ANKS1A: variants seen among roughly 807,000 people sequenced by gnomAD.
ANKS1A encodes the protein ankyrin repeat and SAM domain-containing protein 1A.
Under a neutral mutation model 120.3 loss-of-function variants are expected in ANKS1A, and 55 were observed. That is an observed-to-expected ratio of 0.46 (90% CI 0.37 to 0.57). The LOEUF is 0.57. ANKS1A is among the 20% of genes least tolerant of loss of function. The pLI is 0.00. For missense variants in ANKS1A, 1,123 were observed against 1,480.3 expected (o/e 0.76, Z 3.96); for synonymous variants, 590 against 604.7 (o/e 0.98, Z 0.36).
intron 18 of ANKS1A, 39 bp from the exon 19 acceptor site, chr6:35,083,116 G>T (rs374715116): frequency 1.2e-6 from 2 of 1,609,960 alleles, no homozygotes; most frequent in Non-Finnish European, 1.7e-6. Flanking sequence ...GCATGGAAAC[G>T]CAGGATTTCC....
At chr6:34,965,543 G>A (rs1357458870) in intron 1 of ANKS1A, among the ~76,000 whole-genome samples, 2 of 152,038 alleles carry the variant, frequency 1.3e-5, no homozygotes, top group Non-Finnish European at 2.9e-5. Flanking sequence ...GTAGAGACGA[G>A]TTTCCCTATG....
intron 1 of ANKS1A, among the ~76,000 whole-genome samples, chr6:34,915,674 G>A: frequency 6.6e-6 from 1 of 151,938 alleles, no homozygotes; most frequent in East Asian, 1.9e-4. Flanking sequence ...GTAACAGTTT[G>A]GGTTTTTATA....
chr6:35,086,403 TC>T lies in ANKS1A; in HGVS notation c.3303+471del, dbSNP rs1777983974. 3 of 1,279,496 alleles carry T rather than the reference TC, an allele frequency of 2.3e-6. No homozygotes were observed. Among genetic ancestry groups the T allele is most frequent in the African/African-American group, 3.0e-5 (2 of 65,682 alleles). The allele number at this position is 1,279,496 out of a possible 1,614,324, so 79.3% of individuals were successfully genotyped here. A position where few individuals can be genotyped will look rare whatever the true frequency, so the allele number is the denominator to read the frequency against. Reference sequence around the variant, plus strand: ...CCTCCTGCTGTCTTGTGTGTCAGTCTCCCCGAAGTGACCGTGAGCGCTCTTA... The same window carrying T: ...CCTCCTGCTGTCTTGTGTGTCAGTCTCCCGAAGTGACCGTGAGCGCTCTTA... On this transcript the variant is annotated intron_variant, in intron 22 of 23. Transcript: ENST00000360359. The surrounding 1 kb of genome is among the most constrained non-coding windows in gnomAD (Gnocchi z 5.1).
rs1220209356 is a variant in ANKS1A, at chr6:35,089,007, G to C, written c.*398G>C. ...ACAGGGGAGCTGAGGTTGGTTCAGAGGCCAGCCTGCATAGCCTCTGTCCTC... is the reference window on the plus strand; with the variant it reads ...ACAGGGGAGCTGAGGTTGGTTCAGACGCCAGCCTGCATAGCCTCTGTCCTC... On this transcript the variant is annotated 3_prime_UTR_variant, in exon 24 of 24. Coordinates refer to ENST00000360359, the MANE Select transcript of ANKS1A (RefSeq NM_015245.3). 3.7e-5 allele frequency: 43 copies of C among 1,157,480 alleles called. No homozygotes were observed. The highest frequency in any genetic ancestry group is 4.5e-5 in the Non-Finnish European group (42 of 930,296). The allele number at this position is 1,157,480 out of a possible 1,614,324, so 71.7% of individuals were successfully genotyped here.
In ANKS1A at chr6:35,089,996, A is replaced by G; in HGVS notation, c.*1387A>G. The G allele has an allele frequency of 8.4e-7, 1 of 1,195,152 alleles. No individual in the cohort carries two copies. 74.0% of individuals were successfully genotyped at this position (1,195,152 alleles called of 1,614,324 possible). A position where few individuals can be genotyped will look rare whatever the true frequency, so the allele number is the denominator to read the frequency against. The stretch of plus-strand genomic sequence containing the variant: ...TCTTTGTTGGTATGTATGTGCAGGG[A>G]GTACTGTTAGGCACATTCTTAACCC... On this transcript the variant is annotated 3_prime_UTR_variant, in exon 24 of 24. Transcript: ENST00000360359.
At chr6:34,991,765 TAC>T (rs200486386) in intron 9 of ANKS1A, among the ~76,000 whole-genome samples, 163 of 33,814 alleles carry the variant, frequency 4.8e-3, no homozygotes, top group Non-Finnish European at 8.2e-3. Flanking sequence ...CATATATATA[TAC>T]ACATATATAT....
intron 10 of ANKS1A, chr6:35,005,786 C>T (rs542947814): frequency 4.5e-6 from 2 of 447,686 alleles, no homozygotes; most frequent in Admixed American, 2.4e-5. Context: ...GGCATGGTGG[C>T]TCATGCCTGT....
Position 35,017,536 on chromosome 6 carries a change from C to T in ANKS1A, c.1487C>T (p.Pro496Leu). Reference protein sequence around the residue: ...DSAEGQDGQVPEQFSGLLHGS... With the variant: ...DSAEGQDGQVLEQFSGLLHGS... ...GCGGAGGGGCAGGACGGGCAGGTCC[C>T]AGAGCAGTTCTCAGGCCTCCTCCAC... Residue 496 changes from proline (P) to leucine (L), a missense_variant, in exon 11 of 24, where the codon CCA becomes CTA. Coordinates refer to ENST00000360359, the MANE Select transcript of ANKS1A (RefSeq NM_015245.3). 1.2e-6 allele frequency: 2 copies of T among 1,614,050 alleles called. No homozygotes were observed. The highest frequency in any genetic ancestry group is 1.7e-6 in the Non-Finnish European group (2 of 1,179,990).
chr6:34,916,249 TC>T (rs1768158009), intron 1 of ANKS1A, among the ~76,000 whole-genome samples: 1 of 152,242 alleles, frequency 6.6e-6, no homozygotes, highest in Admixed American at 6.5e-5. Context: ...TGCCTCGGCC[TC>T]CTAAAGTGCT....
rs761037622 is a variant in ANKS1A at position 35,018,026 on chromosome 6, G to A, written c.1977G>A (p.Glu659=). Residue 659 remains glutamate (E), a synonymous_variant, in exon 11 of 24, where the codon GAG becomes GAA. Coordinates refer to ENST00000360359, the MANE Select transcript of ANKS1A (RefSeq NM_015245.3). ...SNCSIGKKRL[E]KSPSFASEWD... ...GCAGCATTGGGAAGAAAAGGCTAGA[G>A]AAGTCACCCTCCTTCGCCTCGGAGT... 49 of 1,613,948 alleles carry A rather than the reference G, an allele frequency of 3.0e-5. No individual in the cohort carries two copies. Among genetic ancestry groups the A allele is most frequent in the Non-Finnish European group, 3.7e-5 (44 of 1,180,028 alleles).
At chr6:34,955,414 G>A (rs991718223) in intron 1 of ANKS1A, among the ~76,000 whole-genome samples, 11 of 152,288 alleles carry the variant, frequency 7.2e-5, no homozygotes, top group Admixed American at 3.3e-4. Flanking sequence ...TGGGATTACA[G>A]GCGTGAGCCA....
intron 1 of ANKS1A, among the ~76,000 whole-genome samples, chr6:34,898,604 T>C (rs889819633): frequency 9.2e-5 from 14 of 152,194 alleles, no homozygotes; most frequent in Non-Finnish European, 2.1e-4. Flanking sequence ...TCTGCCTTTA[T>C]GGTAGAAAAA....
At chr6:34,943,731 A>G (rs1769643910) in intron 1 of ANKS1A, among the ~76,000 whole-genome samples, 1 of 152,156 alleles carries the variant, frequency 6.6e-6, no homozygotes. Flanking sequence ...TGCATTTAAG[A>G]TTTCTCGAAG....
intron 1 of ANKS1A, among the ~76,000 whole-genome samples, chr6:34,932,849 T>C (rs1769057942): frequency 6.6e-6 from 1 of 152,260 alleles, no homozygotes; most frequent in African/African-American, 2.4e-5. Flanking sequence ...TATGCTTTCA[T>C]TTCTCTTGGA....
intron 11 of ANKS1A, among the ~76,000 whole-genome samples, chr6:35,042,569 C>G (rs971433566): frequency 2.0e-5 from 3 of 152,182 alleles, no homozygotes; most frequent in African/African-American, 7.2e-5. Context: ...GAGCCATCCT[C>G]GGACCTTATG....
intron 9 of ANKS1A, 96 bp from the exon 10 acceptor site, chr6:34,994,206 G>A: frequency 6.8e-7 from 1 of 1,464,748 alleles, no homozygotes; most frequent in Non-Finnish European, 9.2e-7. Flanking sequence ...TTTCTTCTTT[G>A]ATGAAAAAAG....
At chr6:34,945,979 A>ATTT (rs1561863671) in intron 1 of ANKS1A, among the ~76,000 whole-genome samples, 2 of 138,940 alleles carry the variant, frequency 1.4e-5, no homozygotes, top group Non-Finnish European at 3.1e-5. Flanking sequence ...TTTTATTTTT[A>ATTT]TTTATTTTTT....
At chr6:34,986,429 C>G (rs865843781) in intron 8 of ANKS1A, among the ~76,000 whole-genome samples, 6 of 152,158 alleles carry the variant, frequency 3.9e-5, no homozygotes, top group African/African-American at 1.4e-4. Flanking sequence ...TGAGCAGTGC[C>G]CATTAGCTAA....
At chr6:35,097,388 A>T in the ANKS1A span, among the ~76,000 whole-genome samples, 1 of 152,068 alleles carries the variant, frequency 6.6e-6, no homozygotes, top group East Asian at 1.9e-4. Flanking sequence ...AGGTGCCTGT[A>T]ATCCCAGCTA....
Sources: allele counts gnomAD v4.1 joint callset (sites outside exome capture counted in the v4.1 genomes callset), GRCh38; gene constraint gnomAD v4.1.1; non-coding constraint Gnocchi (gnomAD v3.1); transcripts MANE v1.5; gene names NCBI Gene and HGNC (gene_info 2026-07-23, HGNC 2026-07-21).